The following KIF13A variants were observed in gnomAD, a reference collection of about 807,000 sequenced individuals.
KIF13A encodes kinesin-like protein KIF13A.
A neutral mutation model predicts 212.2 loss-of-function variants in KIF13A; 79 were observed. That is an observed-to-expected ratio of 0.37 (90% CI 0.31 to 0.45). The LOEUF (loss-of-function observed/expected upper bound fraction) is 0.45. KIF13A is among the 20% of genes least tolerant of loss of function. KIF13A has a pLI of 1.00. For synonymous variants in KIF13A, 789 were observed against 808.6 expected, an observed-to-expected ratio of 0.98 and a Z score of 0.41; for missense variants, 1,901 against 2,209.0, an observed-to-expected ratio of 0.86 and a Z score of 2.79.
At chr6:17,863,780 G>A (rs996039480) in intron 4 of KIF13A, among the ~76,000 whole-genome samples, 5 of 152,080 alleles carry the variant, frequency 3.3e-5, no homozygotes, top group South Asian at 2.1e-4. Flanking sequence ...CCAAAAGACC[G>A]AAGGATTTTT....
At chr6:17,865,326 G>GGA (rs1769251422) in intron 4 of KIF13A, among the ~76,000 whole-genome samples, 1 of 112,842 alleles carries the variant, frequency 8.9e-6, no homozygotes, top group African/African-American at 3.3e-5. Context: ...AGAGAGAGAG[G>GGA]AAAAAAAAAA....
intron 29 of KIF13A, among the ~76,000 whole-genome samples, chr6:17,782,012 C>T (rs552709542): frequency 4.3e-4 from 65 of 152,238 alleles, no homozygotes; most frequent in African/African-American, 1.5e-3. Flanking sequence ...TCTTGGCTCA[C>T]TGCAACCTCT....
At position 17,982,100 on chromosome 6, in the gene KIF13A, C is replaced by CT. The variant is rs60619103; in HGVS notation, c.146+4953dup. 0.23 allele frequency among the ~76,000 whole-genome samples: 34,015 copies of CT among 146,740 alleles called. 4,292 individuals carry two copies. The highest frequency in any genetic ancestry group is 0.36 in the African/African-American group (14,459 of 40,228). On this transcript the variant is annotated intron_variant, in intron 2 of 38. Transcript: ENST00000259711. The surrounding 1 kb of genome is among the most constrained non-coding windows in gnomAD (Gnocchi z 5.1). ...ATTATATACTTACCAACTGAGCATT[C>CT]TTTTTTTTTTTTGAGACAGAGTTTC...
At chr6:17,827,967 A>T (rs933515645) in intron 14 of KIF13A, among the ~76,000 whole-genome samples, 1 of 152,212 alleles carries the variant, frequency 6.6e-6, no homozygotes, top group Non-Finnish European at 1.5e-5. Context: ...ATTTTCCAAT[A>T]AGTTACTCTT....
intron 3 of KIF13A, among the ~76,000 whole-genome samples, chr6:17,885,691 C>T (rs571666708): frequency 2.6e-4 from 40 of 152,296 alleles, no homozygotes; most frequent in African/African-American, 7.7e-4. Flanking sequence ...AATCTGAAAA[C>T]AGGAAATCAT....
intron 2 of KIF13A, among the ~76,000 whole-genome samples, chr6:17,904,089 G>A (rs893214463): frequency 1.3e-5 from 2 of 151,978 alleles, no homozygotes; most frequent in African/African-American, 4.8e-5. Context: ...CCCAGAAGGT[G>A]GAGGTTATAG....
intron 2 of KIF13A, among the ~76,000 whole-genome samples, chr6:17,933,745 A>G (rs1033276562): frequency 1.3e-5 from 2 of 152,190 alleles, no homozygotes; most frequent in East Asian, 1.9e-4. Context: ...TAAACTTCCA[A>G]TGCAGAAGCA....
At chr6:17,925,202 A>C (rs985770913) in intron 2 of KIF13A, among the ~76,000 whole-genome samples, 1 of 152,214 alleles carries the variant, frequency 6.6e-6, no homozygotes, top group African/African-American at 2.4e-5. Flanking sequence ...AGATGTTAGG[A>C]AATAGTCTTC....
intron 2 of KIF13A, among the ~76,000 whole-genome samples, chr6:17,936,170 C>T (rs545514677): frequency 2.6e-5 from 4 of 152,246 alleles, no homozygotes; most frequent in South Asian, 2.1e-4. Flanking sequence ...TTTTTTGAGA[C>T]GGTGTCTTAC....
intron 9 of KIF13A, among the ~76,000 whole-genome samples, chr6:17,845,838 CAT>C (rs1243863461): frequency 2.0e-5 from 3 of 152,162 alleles, no homozygotes; most frequent in East Asian, 1.9e-4. Context: ...AAAGGAGTAA[CAT>C]GTGCTTAAAG....
In KIF13A at chr6:17,951,259, C is replaced by A; in HGVS notation, c.146+35795G>T. ...CCTCCTGCCTCAGTCTCCTGAGTAG[C>A]TGGGACCACAGGTATGCGCCACCAC... On this transcript the variant is annotated intron_variant, in intron 2 of 38. Coordinates refer to ENST00000259711, the MANE Select transcript of KIF13A (RefSeq NM_022113.6). The surrounding 1 kb of genome is among the most constrained non-coding windows in gnomAD (Gnocchi z 4.9). The A allele has an allele frequency of 1.5e-6, 1 of 654,028 alleles. No homozygotes were observed. The highest frequency in any genetic ancestry group is 2.4e-6 in the Non-Finnish European group (1 of 417,694). 40.5% of individuals were successfully genotyped at this position (654,028 alleles called of 1,614,324 possible). A position where few individuals can be genotyped will look rare whatever the true frequency, so the allele number is the denominator to read the frequency against.
In KIF13A at chr6:17,794,828, A is replaced by C. The variant is rs1006396893; in HGVS notation, c.2943-124T>G. On this transcript the variant is annotated intron_variant, in intron 23 of 38. Transcript: ENST00000259711. This position sits in a 1 kb window ranked among gnomAD's most constrained non-coding sequence, Gnocchi z 4.1. ...GGCACTGTGCCATTTATCTTGTATA[A>C]GTTACTTCCTTATTTAACTCTCAAA... The C allele has an allele frequency of 9.0e-5, 90 of 1,003,998 alleles. No individual in the cohort carries two copies. Among genetic ancestry groups the C allele is most frequent in the Middle Eastern group, 6.4e-4 (3 of 4,656 alleles). The allele number at this position is 1,003,998 out of a possible 1,614,324, so 62.2% of individuals were successfully genotyped here.
intron 3 of KIF13A, among the ~76,000 whole-genome samples, chr6:17,876,766 C>G (rs1027737299): frequency 6.6e-6 from 1 of 152,138 alleles, no homozygotes; most frequent in African/African-American, 2.4e-5. Flanking sequence ...TCCTGAGTAG[C>G]TGGGACTACA....
At chr6:17,942,932 T>C (rs1037349636) in intron 2 of KIF13A, among the ~76,000 whole-genome samples, 48 of 152,042 alleles carry the variant, frequency 3.2e-4, no homozygotes, top group African/African-American at 1.1e-3. Flanking sequence ...TGAGCCAAGA[T>C]TGTGCCACTA....
rs58092993 is a variant in KIF13A at position 17,858,081 on chromosome 6, A to ATGTGTG, written c.221-1965_221-1960dup. 4.4e-3 allele frequency among the ~76,000 whole-genome samples: 638 copies of ATGTGTG among 144,674 alleles called. 6 individuals are homozygous for ATGTGTG. The highest frequency in any genetic ancestry group is 0.015 in the African/African-American group (556 of 37,638). The allele number at this position is 144,674 out of a possible 152,430, so 94.9% of individuals were successfully genotyped here. ...ATGTAAAACCTTATGTCAAATAGTT[A>ATGTGTG]TGTGTGTGTGTGTGTGTGTGTGTGT... On this transcript the variant is annotated intron_variant, in intron 4 of 38. Transcript: ENST00000259711.
rs1371626895 is a variant in KIF13A at position 17,826,199 on chromosome 6, A to G, written c.1533-75T>C. ...CCTTGTCCTGGTAGCCAAAGAGATA[A>G]CTAGGGGAGCTTTCTCTTAATAAAT... is the stretch of plus-strand genomic sequence containing the variant. On this transcript the variant is annotated intron_variant, in intron 14 of 38. Transcript: ENST00000259711. This position sits in a 1 kb window ranked among gnomAD's most constrained non-coding sequence, Gnocchi z 4.7. 1 of 1,066,916 alleles carries G rather than the reference A, an allele frequency of 9.4e-7. No individual in the cohort carries two copies. Among genetic ancestry groups the G allele is most frequent in the Non-Finnish European group, 1.4e-6 (1 of 700,258 alleles). The allele number at this position is 1,066,916 out of a possible 1,614,324, so 66.1% of individuals were successfully genotyped here.
intron 11 of KIF13A, among the ~76,000 whole-genome samples, chr6:17,836,347 A>G (rs1765948146): frequency 2.0e-5 from 3 of 152,332 alleles, no homozygotes; most frequent in South Asian, 4.1e-4. Context: ...TAAACAACAT[A>G]CTTTCCCACT....
intron 3 of KIF13A, chr6:17,881,837 A>G (rs1471243250): frequency 2.8e-6 from 1 of 351,754 alleles, no homozygotes; most frequent in Admixed American, 3.7e-5. Context: ...CTCTACTGAA[A>G]ATACAAAAAT....
At chr6:17,949,383 C>A (rs1431606827) in intron 2 of KIF13A, among the ~76,000 whole-genome samples, 1 of 152,164 alleles carries the variant, frequency 6.6e-6, no homozygotes, top group Non-Finnish European at 1.5e-5. Context: ...AAGACACCAT[C>A]AACATTTTAA....
Sources: allele counts gnomAD v4.1 joint callset (sites outside exome capture counted in the v4.1 genomes callset), GRCh38; gene constraint gnomAD v4.1.1; non-coding constraint Gnocchi (gnomAD v3.1); transcripts MANE v1.5; gene names NCBI Gene and HGNC (gene_info 2026-07-23, HGNC 2026-07-21).